The following SOX5 variants were observed in gnomAD, a reference collection of about 807,000 sequenced individuals.
SOX5 encodes SRY-box transcription factor 5.
A neutral mutation model predicts 92.0 loss-of-function variants in SOX5; 9 were observed. The observed-to-expected ratio is 0.10, with a 90% CI of 0.06 to 0.17. The LOEUF (loss-of-function observed/expected upper bound fraction) is 0.17. SOX5 is among the 10% of genes least tolerant of loss of function. The pLI, the probability that SOX5 is intolerant of heterozygous loss-of-function variation, is 1.00. For synonymous variants in SOX5, 344 were observed against 336.3 expected, an observed-to-expected ratio of 1.02 and a Z score of -0.25; for missense variants, 642 against 944.5, an observed-to-expected ratio of 0.68 and a Z score of 4.20.
At chr12:24,354,560 C>T (rs1954556541) in intron 2 of SOX5, among the ~76,000 whole-genome samples, 2 of 152,218 alleles carry the variant, frequency 1.3e-5, no homozygotes, top group Admixed American at 6.5e-5. Flanking sequence ...TGGAAAGACT[C>T]TTGACTGGGA....
intron 2 of SOX5, among the ~76,000 whole-genome samples, chr12:24,307,762 TGGAA>T (rs71063306): frequency 0.31 from 13,437 of 43,914 alleles, 3,020 homozygotes; most frequent in African/African-American, 0.32. Context: ...GGTGGCCTAA[TGGAA>T]GGAAGGAAGG....
intron 4 of SOX5, among the ~76,000 whole-genome samples, chr12:24,089,870 G>C (rs1029714401): frequency 1.8e-4 from 28 of 152,074 alleles, no homozygotes; most frequent in Admixed American, 1.6e-3. Flanking sequence ...CTCCACAAGT[G>C]TTTGGTACAA....
At chr12:24,090,184 C>T (rs1002483058) in intron 4 of SOX5, among the ~76,000 whole-genome samples, 1 of 152,002 alleles carries the variant, frequency 6.6e-6, no homozygotes, top group Non-Finnish European at 1.5e-5. Flanking sequence ...AAAATATTGT[C>T]CTTCTCTTTT....
chr12:24,507,483 G>C (rs1041118557), intron 1 of SOX5, among the ~76,000 whole-genome samples: 4 of 151,772 alleles, frequency 2.6e-5, no homozygotes, highest in African/African-American at 9.7e-5. Context: ...ACAAGTAAAT[G>C]ACATTAATAA....
chr12:24,164,501 G>A (rs1953155423), intron 4 of SOX5, among the ~76,000 whole-genome samples: 1 of 152,022 alleles, frequency 6.6e-6, no homozygotes, highest in Non-Finnish European at 1.5e-5. Flanking sequence ...TGTATGCCCT[G>A]TGAAATTCAG....
At chr12:23,678,914 C>T (rs535341352) in intron 6 of SOX5, among the ~76,000 whole-genome samples, 10 of 151,790 alleles carry the variant, frequency 6.6e-5, no homozygotes, top group Non-Finnish European at 1.3e-4. Context: ...TAAATTAATC[C>T]TAAGTATCAA....
chr12:23,723,883 C>T (rs2092969322), intron 6 of SOX5, among the ~76,000 whole-genome samples: 1 of 151,958 alleles, frequency 6.6e-6, no homozygotes, highest in Non-Finnish European at 1.5e-5. Context: ...TAAGTCTCAA[C>T]ATAAGATAAT....
At chr12:24,370,364 C>A (rs2136251234) in intron 1 of SOX5, among the ~76,000 whole-genome samples, 1 of 148,998 alleles carries the variant, frequency 6.7e-6, no homozygotes, top group African/African-American at 2.5e-5. Flanking sequence ...GTAGTCCCAG[C>A]TGCTCAGGAG....
intron 2 of SOX5, among the ~76,000 whole-genome samples, chr12:23,881,332 C>T (rs1363662490): frequency 1.3e-5 from 2 of 152,162 alleles, no homozygotes; most frequent in African/African-American, 2.4e-5. Flanking sequence ...CCTTTGGCCC[C>T]CTCTTTTTCT....
In SOX5 at chr12:23,776,778, T is replaced by G. The variant is rs568314078; in HGVS notation, c.482-21054A>C. 1.1e-3 allele frequency among the ~76,000 whole-genome samples: 168 copies of G among 152,212 alleles called. 1 individual carries two copies. Among genetic ancestry groups the G allele is most frequent in the Non-Finnish European group, 2.2e-3 (151 of 68,014 alleles). On this transcript the variant is annotated intron_variant, in intron 3 of 14. Transcript: ENST00000451604. ...TCGTGTGCCTATAAGAATCTAATGCTGCTGATGATCTGACAGAAGGAGGAG... is the reference window on the plus strand; with the variant it reads ...TCGTGTGCCTATAAGAATCTAATGCGGCTGATGATCTGACAGAAGGAGGAG...
chr12:24,259,377 C>T (rs185309703), intron 3 of SOX5, among the ~76,000 whole-genome samples: 21 of 152,178 alleles, frequency 1.4e-4, no homozygotes, highest in South Asian at 1.0e-3. Flanking sequence ...TACATATACA[C>T]GCATATTGAG....
At chr12:24,134,754 C>T (rs1419167227) in intron 4 of SOX5, among the ~76,000 whole-genome samples, 2 of 152,128 alleles carry the variant, frequency 1.3e-5, no homozygotes, top group African/African-American at 4.8e-5. Context: ...GCAAAGAAAG[C>T]TGCCCAAAGG....
intron 1 of SOX5, among the ~76,000 whole-genome samples, chr12:23,937,357 G>C (rs1205746494): frequency 2.0e-5 from 3 of 150,582 alleles, no homozygotes; most frequent in Non-Finnish European, 4.5e-5. Context: ...CTCACCTTTA[G>C]GTAAATGAAA....
intron 4 of SOX5, among the ~76,000 whole-genome samples, chr12:24,201,136 C>A (rs910937930): frequency 6.6e-6 from 1 of 152,122 alleles, no homozygotes; most frequent in Non-Finnish European, 1.5e-5. Context: ...TGATTCTGGG[C>A]AAGTCCCAGA....
At chr12:23,799,754 A>G (rs758900585) in intron 3 of SOX5, among the ~76,000 whole-genome samples, 3 of 152,006 alleles carry the variant, frequency 2.0e-5, no homozygotes, top group Admixed American at 6.6e-5. Flanking sequence ...ATTTATCCAA[A>G]ATAAAATTAC....
intron 1 of SOX5, among the ~76,000 whole-genome samples, chr12:24,443,028 T>C (rs1398442483): frequency 1.4e-5 from 2 of 144,516 alleles, no homozygotes; most frequent in Admixed American, 7.3e-5. Context: ...CTTGGCTCAC[T>C]GCCACCTCCG....
intron 1 of SOX5, among the ~76,000 whole-genome samples, chr12:24,533,484 A>G (rs1951366957): frequency 6.6e-6 from 1 of 152,178 alleles, no homozygotes; most frequent in Non-Finnish European, 1.5e-5. Flanking sequence ...ATATGCATTT[A>G]GGGAAACTAA....
chr12:23,550,171 G>A (rs2136135543), intron 11 of SOX5, among the ~76,000 whole-genome samples: 1 of 152,034 alleles, frequency 6.6e-6, no homozygotes, highest in African/African-American at 2.4e-5. Context: ...TTGATTGGAG[G>A]TGGTCAGTAT....
In SOX5 at chr12:23,640,803, C is replaced by T. The variant is rs1400055343; in HGVS notation, c.1017+9G>A. On this transcript the variant is annotated intron_variant, in intron 8 of 14. Transcript: ENST00000451604. ...ACCTTTGTCTCCTCTGTATTGTTTC[C>T]TGACTTACCTGCAGTTGGAGTGGGC... is the stretch of plus-strand genomic sequence containing the variant. The T allele has an allele frequency of 6.2e-7, 1 of 1,607,364 alleles. No individual in the cohort carries two copies. Among genetic ancestry groups the T allele is most frequent in the African/African-American group, 1.3e-5 (1 of 74,800 alleles).
Sources: allele counts gnomAD v4.1 joint callset (sites outside exome capture counted in the v4.1 genomes callset), GRCh38; gene constraint gnomAD v4.1.1; transcripts MANE v1.5; gene names NCBI Gene and HGNC (gene_info 2026-07-23, HGNC 2026-07-21).